TMC5: variants seen among roughly 807,000 people sequenced by gnomAD.
TMC5 encodes the protein transmembrane channel like 5, also known as transmembrane channel-like protein 5.
Under a neutral mutation model 110.5 loss-of-function variants are expected in TMC5, and 86 were observed. The observed-to-expected ratio is 0.78, with a 90% CI of 0.65 to 0.93. The LOEUF is 0.93. Ranked by LOEUF, TMC5 falls within the 40% of genes least tolerant of loss-of-function variation. The pLI is 0.00. For synonymous variants in TMC5, 455 were observed against 439.5 expected, an observed-to-expected ratio of 1.04 and a Z score of -0.44; for missense variants, 1,144 against 1,222.8, an observed-to-expected ratio of 0.94 and a Z score of 0.96.
At chr16:19,426,071 A>G (rs537982310) in intron 1 of TMC5, among the ~76,000 whole-genome samples, 1 of 152,286 alleles carries the variant, frequency 6.6e-6, no homozygotes, top group South Asian at 2.1e-4. Context: ...GCACTGATAT[A>G]TAAGTTGTTT....
At chr16:19,469,026 A>G (rs1012688764) in intron 9 of TMC5, among the ~76,000 whole-genome samples, 1 of 151,972 alleles carries the variant, frequency 6.6e-6, no homozygotes, top group African/African-American at 2.4e-5. Context: ...AAGAAAAGAC[A>G]TTTTCTGACT....
chr16:19,492,690 C>G (rs1246369445), intron 19 of TMC5, among the ~76,000 whole-genome samples: 1 of 151,630 alleles, frequency 6.6e-6, no homozygotes, highest in African/African-American at 2.4e-5. Flanking sequence ...AGGTGATCCA[C>G]CTGCCTCCCA....
At position 19,490,398 on chromosome 16, in the gene TMC5, G is replaced by A. The variant is rs751251033; in HGVS notation, c.2577G>A (p.Leu859=). Residue 859 remains leucine (L), a synonymous_variant, in exon 18 of 22, where the codon TTG becomes TTA. Coordinates refer to ENST00000542583, the MANE Select transcript of TMC5 (RefSeq NM_001261841.2). ...LCTLAITIWR[L]KPSADCGPFR... is the part of the protein sequence containing the mutation. Reference sequence around the variant, plus strand: ...TCTTCCATCTTTGTTTTACCAGATTGAAGCCTTCAGCTGACTGTGGCCCTT... The same window carrying A: ...TCTTCCATCTTTGTTTTACCAGATTAAAGCCTTCAGCTGACTGTGGCCCTT... 4.3e-6 allele frequency: 7 copies of A among 1,614,062 alleles called. No individual in the cohort carries two copies. Among genetic ancestry groups the A allele is most frequent in the South Asian group, 2.2e-5 (2 of 91,078 alleles).
At chr16:19,490,764 CTT>C (rs1968873736) in intron 18 of TMC5, among the ~76,000 whole-genome samples, 196 bp downstream of exon 18, 1 of 35,014 alleles carries the variant, frequency 2.9e-5, no homozygotes, top group East Asian at 4.0e-4. Context: ...CCTTCCTTCC[CTT>C]CCTTTTTTTC....
chr16:19,493,212 C>T (rs1190169010), intron 19 of TMC5, among the ~76,000 whole-genome samples: 3 of 151,514 alleles, frequency 2.0e-5, no homozygotes, highest in Admixed American at 6.6e-5. Context: ...CCGCCCGCCT[C>T]GGCCTCCCAA....
At chr16:19,423,439 G>A (rs540353484) in intron 1 of TMC5, among the ~76,000 whole-genome samples, 6 of 152,290 alleles carry the variant, frequency 3.9e-5, no homozygotes, top group Admixed American at 1.3e-4. Context: ...CTTGGACAGC[G>A]TCGCTGACTC....
intron 1 of TMC5, among the ~76,000 whole-genome samples, chr16:19,420,146 G>A (rs148773438): frequency 0.01 from 1,568 of 152,146 alleles, 11 homozygotes; most frequent in Middle Eastern, 0.017. Context: ...CTAATTTTAG[G>A]CCAGGTGTGG....
intron 21 of TMC5, among the ~76,000 whole-genome samples, chr16:19,497,421 A>G (rs1969085093): frequency 6.6e-6 from 1 of 152,208 alleles, no homozygotes; most frequent in Non-Finnish European, 1.5e-5. Context: ...TCTGCCTAAT[A>G]AGTGCAAGAC....
At chr16:19,466,877 G>A (rs190099936) in intron 9 of TMC5, among the ~76,000 whole-genome samples, 36 of 152,258 alleles carry the variant, frequency 2.4e-4, no homozygotes, top group Admixed American at 2.2e-3. Flanking sequence ...TGGGCACGGT[G>A]CTCATGCCTG....
intron 9 of TMC5, among the ~76,000 whole-genome samples, chr16:19,466,720 A>C (rs1282339694): frequency 6.6e-6 from 1 of 152,228 alleles, no homozygotes; most frequent in Non-Finnish European, 1.5e-5. Flanking sequence ...GAGTTTGGAC[A>C]GAGGAAGAGA....
At chr16:19,483,977 G>T (rs780184718) in intron 15 of TMC5, among the ~76,000 whole-genome samples, 3 of 151,760 alleles carry the variant, frequency 2.0e-5, no homozygotes, top group Non-Finnish European at 2.9e-5. Flanking sequence ...AGCTACTTGG[G>T]AGGCTGAGGC....
chr16:19,456,875 A>G (rs1395066877), intron 5 of TMC5: 1 of 1,614,096 alleles, frequency 6.2e-7, no homozygotes, highest in African/African-American at 1.3e-5. Context: ...AGACTCTCAG[A>G]CAGTCAGCAA....
intron 1 of TMC5, among the ~76,000 whole-genome samples, chr16:19,418,875 A>T (rs1966916217): frequency 6.6e-6 from 1 of 152,082 alleles, no homozygotes; most frequent in Non-Finnish European, 1.5e-5. Context: ...CTATAGGCAC[A>T]TGCCACCATG....
chr16:19,474,306 C>G, intron 12 of TMC5, 30 bp downstream of exon 12: 2 of 1,604,864 alleles, frequency 1.2e-6, no homozygotes, highest in Non-Finnish European at 8.5e-7. Flanking sequence ...CAACACCAGC[C>G]TCTATTTCCA....
intron 4 of TMC5, among the ~76,000 whole-genome samples, chr16:19,448,432 A>G (rs1270742119): frequency 2.0e-5 from 3 of 151,818 alleles, no homozygotes; most frequent in South Asian, 2.1e-4. Context: ...AGCCTGGATA[A>G]CATGGTGAAA....
chr16:19,482,324 T>C (rs1968639579), intron 15 of TMC5, among the ~76,000 whole-genome samples: 1 of 152,078 alleles, frequency 6.6e-6, no homozygotes, highest in Non-Finnish European at 1.5e-5. Context: ...GATCCCAAAG[T>C]GTTGGGATTA....
chr16:19,435,335 C>CAA (rs35284193), intron 2 of TMC5, among the ~76,000 whole-genome samples: 3 of 138,834 alleles, frequency 2.2e-5, no homozygotes, highest in Admixed American at 7.3e-5. Context: ...ACTAAAAATA[C>CAA]AAAAAAAAAA....
At chr16:19,463,233 G>A in intron 6 of TMC5, 47 bp from the exon 7 acceptor site, 1 of 1,405,850 alleles carries the variant, frequency 7.1e-7, no homozygotes, top group Non-Finnish European at 1.0e-6. Context: ...TTGAATGAAT[G>A]AGTTGCAACA....
At chr16:19,490,903 C>T (rs12929354) in intron 18 of TMC5, among the ~76,000 whole-genome samples, 4,965 of 58,622 alleles carry the variant, frequency 0.085, 206 homozygotes, top group South Asian at 0.26. Context: ...CTCCCTTCCC[C>T]TCCCTTCCCT....
Sources: allele counts gnomAD v4.1 joint callset (sites outside exome capture counted in the v4.1 genomes callset), GRCh38; gene constraint gnomAD v4.1.1; transcripts MANE v1.5; gene names NCBI Gene and HGNC (gene_info 2026-07-23, HGNC 2026-07-21).